HTT: variants seen among roughly 807,000 people sequenced by gnomAD.
The protein encoded by HTT is huntingtin.
HTT carries 104 observed loss-of-function variants against 362.3 expected under a neutral mutation model. That is an observed-to-expected ratio of 0.29 (90% CI 0.24 to 0.34). HTT has a LOEUF of 0.34. Ranked by LOEUF, HTT falls within the 10% of genes least tolerant of loss-of-function variation. The pLI is 1.00. For synonymous variants in HTT, 1,577 were observed against 1,548.7 expected, an observed-to-expected ratio of 1.02 and a Z score of -0.43; for missense variants, 3,301 against 3,928.6, an observed-to-expected ratio of 0.84 and a Z score of 4.27.
chr4:3,214,390 A>G (rs1297902239), intron 50 of HTT, among the ~76,000 whole-genome samples: 1 of 152,136 alleles, frequency 6.6e-6, no homozygotes, highest in African/African-American at 2.4e-5. Context: ...CATCAAAAAT[A>G]CCTCTAAACT....
Position 3,228,283 on chromosome 4 carries a change from C to T in HTT, c.7849-332C>T, listed in dbSNP as rs967146741. Reference sequence around the variant, plus strand: ...GAAAAGGAATCTCACGTATTGGTTCCGTGTTTTGGGGACTCCATTCAGATG... The same window carrying T: ...GAAAAGGAATCTCACGTATTGGTTCTGTGTTTTGGGGACTCCATTCAGATG... On this transcript the variant is annotated intron_variant, in intron 57 of 66. Transcript: ENST00000355072. This position sits in a 1 kb window ranked among gnomAD's most constrained non-coding sequence, Gnocchi z 4.3. Among the ~76,000 whole-genome samples, 7 of 152,194 alleles carry T rather than the reference C, an allele frequency of 4.6e-5. No homozygotes were observed. Among genetic ancestry groups the T allele is most frequent in the South Asian group, 2.1e-4 (1 of 4,832 alleles).
intron 64 of HTT, among the ~76,000 whole-genome samples, chr4:3,237,410 T>C (rs927715458): frequency 1.1e-4 from 16 of 152,230 alleles, no homozygotes; most frequent in Non-Finnish European, 1.9e-4. Flanking sequence ...TGCATCGTTC[T>C]TCAGTCCCCA....
intron 10 of HTT, among the ~76,000 whole-genome samples, chr4:3,125,008 T>G (rs1715457900): frequency 6.6e-6 from 1 of 152,218 alleles, no homozygotes; most frequent in Non-Finnish European, 1.5e-5. Flanking sequence ...AAATGTATTT[T>G]TAGAACTTTC....
intron 6 of HTT, 46 bp downstream of exon 6, chr4:3,107,469 G>C (rs776186235): frequency 2.5e-6 from 4 of 1,604,958 alleles, no homozygotes; most frequent in Middle Eastern, 1.7e-4. Context: ...GATGCTGTGA[G>C]TGAGTCTGTG....
intron 60 of HTT, among the ~76,000 whole-genome samples, chr4:3,231,394 C>T (rs1185260386): frequency 6.6e-6 from 1 of 152,128 alleles, no homozygotes; most frequent in Non-Finnish European, 1.5e-5. Context: ...TCCTCCCGCA[C>T]CCCCACCTGA....
rs959477957 is a variant in HTT, at chr4:3,182,260, T to G, written c.4750-94T>G. ...CACATCTGTTTGGATCCTAGAGTCT[T>G]CCAGCTGAACTGGGACAAGTATAAC... is the stretch of plus-strand genomic sequence containing the variant. On this transcript the variant is annotated intron_variant, in intron 36 of 66. Coordinates refer to ENST00000355072, the MANE Select transcript of HTT (RefSeq NM_001388492.1). 9.0e-6 allele frequency: 7 copies of G among 779,064 alleles called. No homozygotes were observed. In the African/African-American group the frequency reaches 1.2e-4, roughly 13 times the overall value. The allele number at this position is 779,064 out of a possible 1,614,324, so 48.3% of individuals were successfully genotyped here.
intron 33 of HTT, 42 bp from the exon 34 acceptor site, chr4:3,177,290 T>C: frequency 1.5e-6 from 2 of 1,363,652 alleles, no homozygotes; most frequent in Non-Finnish European, 2.1e-6. Context: ...TTTTACATTT[T>C]AATCCTATTA....
intron 2 of HTT, among the ~76,000 whole-genome samples, chr4:3,092,025 A>C (rs1713535082): frequency 6.6e-6 from 1 of 152,076 alleles, no homozygotes; most frequent in Admixed American, 6.6e-5. Context: ...AGATATATTT[A>C]TTTATGTGTT....
intron 29 of HTT, among the ~76,000 whole-genome samples, chr4:3,160,811 C>T (rs913531274): frequency 4.6e-5 from 7 of 152,104 alleles, no homozygotes; most frequent in Non-Finnish European, 1.0e-4. Flanking sequence ...TTCTCTGACA[C>T]AGATAGTCTC....
intron 2 of HTT, among the ~76,000 whole-genome samples, chr4:3,098,758 C>G (rs1470392751): frequency 2.0e-5 from 3 of 152,094 alleles, no homozygotes; most frequent in Non-Finnish European, 4.4e-5. Context: ...TGGCCCATAC[C>G]GAAAGCAAGA....
At chr4:3,184,118 G>T (rs1376850233) in intron 37 of HTT, among the ~76,000 whole-genome samples, 4 of 152,020 alleles carry the variant, frequency 2.6e-5, no homozygotes, top group Non-Finnish European at 4.4e-5. Context: ...GTCTGCGGTG[G>T]GAGTGGCATT....
intron 10 of HTT, chr4:3,123,556 A>T (rs1047853849): frequency 2.6e-5 from 4 of 152,254 alleles, no homozygotes; most frequent in Non-Finnish European, 4.4e-5. Flanking sequence ...CGCATGTGGC[A>T]TGTGCCTGTA....
chr4:3,167,251 T>C (rs1161684852), intron 29 of HTT, among the ~76,000 whole-genome samples: 6 of 152,128 alleles, frequency 3.9e-5, no homozygotes, highest in Non-Finnish European at 8.8e-5. Context: ...TTTTGTATTT[T>C]TAGTGGAGAT....
At chr4:3,139,315 A>G (rs1013428832) in intron 21 of HTT, among the ~76,000 whole-genome samples, 1 of 152,162 alleles carries the variant, frequency 6.6e-6, no homozygotes, top group African/African-American at 2.4e-5. Flanking sequence ...TTCCTGCCTC[A>G]GCCTCCCAAG....
Position 3,086,936 on chromosome 4 carries a change from TAGAA to T in HTT, c.270_273del (p.Lys90AsnfsTer10). ...TTAATTTCCTTCTTTTTTTTATTTTTAGAAAGAAAGAACTTTCAGCTACCAAGAA... is the reference window on the plus strand; with the variant it reads ...TTAATTTCCTTCTTTTTTTTATTTTTAGAAAGAACTTTCAGCTACCAAGAA... On this transcript the variant is annotated splice_acceptor_variant and coding_sequence_variant, in exon 2 of 67. Coordinates refer to ENST00000355072, the MANE Select transcript of HTT (RefSeq NM_001388492.1). LOFTEE classifies it high-confidence loss of function. The T allele has an allele frequency of 1.9e-6, 3 of 1,565,528 alleles. No homozygotes were observed. The highest frequency in any genetic ancestry group is 1.4e-5 in the African/African-American group (1 of 73,950).
intron 38 of HTT, among the ~76,000 whole-genome samples, chr4:3,187,208 T>G (rs1422472680): frequency 2.0e-5 from 3 of 150,624 alleles, no homozygotes; most frequent in Admixed American, 6.6e-5. Flanking sequence ...CAGGCTGGAG[T>G]ACAGTGGCGC....
intron 29 of HTT, among the ~76,000 whole-genome samples, chr4:3,171,455 CT>C (rs916898013): frequency 4.0e-5 from 6 of 150,548 alleles, no homozygotes; most frequent in African/African-American, 1.5e-4. Context: ...GAGTTAGCAT[CT>C]TCTTCTTTCT....
At chr4:3,083,530 TACACACACACACACAC>T (rs56210756) in intron 1 of HTT, among the ~76,000 whole-genome samples, 3,774 of 125,206 alleles carry the variant, frequency 0.03, 227 homozygotes, top group African/African-American at 0.095. Flanking sequence ...TCTCTAAATA[TACACACACACACACAC>T]ACACACACAC....
chr4:3,186,142 A>G (rs1718747137), intron 37 of HTT, among the ~76,000 whole-genome samples: 1 of 152,076 alleles, frequency 6.6e-6, no homozygotes, highest in African/African-American at 2.4e-5. Flanking sequence ...AGAAAGGGAT[A>G]TACACACACC....
Sources: gnomAD v4.1 joint callset for allele counts (sites outside exome capture counted in the v4.1 genomes callset) on GRCh38, gnomAD v4.1.1 for gene constraint, Gnocchi (gnomAD v3.1) non-coding constraint, MANE v1.5 for transcripts, NCBI Gene and HGNC (gene_info 2026-07-23, HGNC 2026-07-21) for gene names.